Variants in KRCC1 observed in about 807,000 individuals in gnomAD.
KRCC1 encodes lysine-rich coiled-coil protein 1.
In KRCC1, 3 loss-of-function variants were observed where a neutral mutation model predicts 7.4. The observed-to-expected ratio is 0.40, with a 90% confidence interval of 0.18 to 1.04. The LOEUF (loss-of-function observed/expected upper bound fraction) is 1.04, where lower values mean the gene tolerates loss of function less well. Ranked by LOEUF, KRCC1 falls within the 50% of genes least tolerant of loss-of-function variation. The pLI, the probability that KRCC1 is intolerant of heterozygous loss-of-function variation, is 0.33. For missense variants in KRCC1, 277 were observed against 300.9 expected, an observed-to-expected ratio of 0.92 and a Z score of 0.59; for synonymous variants, 102 against 101.6, an observed-to-expected ratio of 1.00 and a Z score of -0.02.
intron 2 of KRCC1, among the ~76,000 whole-genome samples, chr2:88,034,709 ATAG>A (rs1371629952): frequency 6.6e-6 from 1 of 152,194 alleles, no homozygotes; most frequent in Non-Finnish European, 1.5e-5. Flanking sequence ...TACATGAACT[ATAG>A]TCACCTTCTT....
At chr2:88,053,035 CT>C (rs1209505428) in intron 1 of KRCC1, among the ~76,000 whole-genome samples, 3 of 151,794 alleles carry the variant, frequency 2.0e-5, no homozygotes, top group African/African-American at 7.3e-5. Flanking sequence ...AGGATTCTGT[CT>C]CTTGGAATTA....
Position 88,028,011 on chromosome 2 carries a change from C to T in KRCC1, c.553G>A (p.Glu185Lys), listed in dbSNP as rs61734751. 3.0e-4 allele frequency: 483 copies of T among 1,613,948 alleles called. 4 individuals are homozygous for T. The African/African-American group carries it at 5.8e-3, about 19-fold the overall frequency. ...TTGTGTTTGTCTAAGTCAATTTCCTCGCAGCTTTTTTTTCTCTTATGCTTA... is the reference window on the plus strand; with the variant it reads ...TTGTGTTTGTCTAAGTCAATTTCCTTGCAGCTTTTTTTTCTCTTATGCTTA... ...RSKHKRKKSC[E>K]EIDLDKHKSI... The change falls in exon 4 of 4, where the codon GAG becomes AAG. Residue 185 changes from glutamate to lysine, a missense_variant. Coordinates refer to ENST00000347055, the MANE Select transcript of KRCC1 (RefSeq NM_016618.3).
chr2:88,030,281 A>G (rs1672969590), intron 3 of KRCC1, among the ~76,000 whole-genome samples: 1 of 149,888 alleles, frequency 6.7e-6, no homozygotes, highest in Admixed American at 6.6e-5. Context: ...GTTCAGTTCA[A>G]CATGGGATAT....
At chr2:88,046,324 C>T (rs899793520) in intron 1 of KRCC1, among the ~76,000 whole-genome samples, 14 of 152,196 alleles carry the variant, frequency 9.2e-5, no homozygotes, top group East Asian at 1.9e-4. Context: ...AAAATAGAGA[C>T]ATAACATATA....
chr2:88,049,724 C>A (rs1327896098), intron 1 of KRCC1, among the ~76,000 whole-genome samples: 3 of 152,206 alleles, frequency 2.0e-5, no homozygotes, highest in African/African-American at 7.2e-5. Flanking sequence ...GTAGTAGGGG[C>A]AATTCTTAGT....
At position 88,032,143 on chromosome 2, in the gene KRCC1, AAATT is replaced by A. The variant is rs577575603; in HGVS notation, c.-23+1987_-23+1990del. On this transcript the variant is annotated intron_variant, in intron 3 of 3. Coordinates refer to ENST00000347055, the MANE Select transcript of KRCC1 (RefSeq NM_016618.3). ...GGTGACAGAGTGATACTCTGTCTCA[AAATT>A]AATTAATTAATTAATTAATTTAATG... 4.9e-4 allele frequency among the ~76,000 whole-genome samples: 74 copies of A among 152,118 alleles called. No individual in the cohort carries two copies. The East Asian group carries it at 7.9e-3, about 16-fold the overall frequency.
At chr2:88,045,498 A>G (rs1401360883) in intron 1 of KRCC1, among the ~76,000 whole-genome samples, 7 of 152,206 alleles carry the variant, frequency 4.6e-5, no homozygotes, top group Non-Finnish European at 7.3e-5. Context: ...TCTATTTATA[A>G]AAAGTTCTAG....
chr2:88,039,794 A>G (rs1673167577), intron 1 of KRCC1, among the ~76,000 whole-genome samples: 1 of 152,144 alleles, frequency 6.6e-6, no homozygotes, highest in South Asian at 2.1e-4. Context: ...AAAGGTTAAT[A>G]CAAAGGTTTT....
intron 1 of KRCC1, among the ~76,000 whole-genome samples, chr2:88,041,809 G>C (rs1440595437): frequency 6.6e-6 from 1 of 152,196 alleles, no homozygotes; most frequent in African/African-American, 2.4e-5. Context: ...GTGGAGTAAA[G>C]TGAAATTATC....
chr2:88,048,621 T>C (rs779781776), intron 1 of KRCC1, among the ~76,000 whole-genome samples: 1 of 152,226 alleles, frequency 6.6e-6, no homozygotes, highest in African/African-American at 2.4e-5. Flanking sequence ...TAGATGATCA[T>C]ATACTCTGCA....
At chr2:88,041,040 A>C (rs1331767442) in intron 1 of KRCC1, among the ~76,000 whole-genome samples, 1 of 152,230 alleles carries the variant, frequency 6.6e-6, no homozygotes, top group Non-Finnish European at 1.5e-5. Context: ...TTATTTGGAC[A>C]TTTGGATTTA....
chr2:88,055,458 C>T (rs1318855172), intron 1 of KRCC1, among the ~76,000 whole-genome samples, 168 bp downstream of exon 1: 1 of 151,908 alleles, frequency 6.6e-6, no homozygotes, highest in African/African-American at 2.4e-5. Flanking sequence ...CGTCTCTTTC[C>T]GGGGGCGGCG....
intron 1 of KRCC1, among the ~76,000 whole-genome samples, chr2:88,039,587 C>T (rs1673162649): frequency 1.3e-5 from 2 of 152,112 alleles, no homozygotes; most frequent in Non-Finnish European, 2.9e-5. Flanking sequence ...ATTCAGGAGG[C>T]TGAAGTACGA....
chr2:88,031,132 A>G (rs10207035), intron 3 of KRCC1, among the ~76,000 whole-genome samples: 137,596 of 152,096 alleles, frequency 0.9, 62,615 homozygotes, highest in East Asian at 1. Context: ...CAGCCTCAGG[A>G]AGGTCCTTCA....
chr2:88,039,052 C>A (rs1355836196), intron 1 of KRCC1, among the ~76,000 whole-genome samples: 1 of 152,072 alleles, frequency 6.6e-6, no homozygotes, highest in Non-Finnish European at 1.5e-5. Context: ...TTTGATTTGA[C>A]AGTCTGATCT....
At chr2:88,039,641 T>C (rs148962053) in intron 1 of KRCC1, among the ~76,000 whole-genome samples, 9,225 of 152,172 alleles carry the variant, frequency 0.061, 326 homozygotes, top group Middle Eastern at 0.11. Context: ...TGAGCCAAGA[T>C]TGCGCCACTG....
Position 88,028,054 on chromosome 2 carries a change from T to A in KRCC1, c.510A>T (p.Lys170Asn), listed in dbSNP as rs761258310. ...TATGCTTAGACCGCTCCTCCTCTGA[T>A]TTTTCTCTGCCTTCCTCTGGGTGCC... The part of the protein sequence containing the change: ...RKRHPEEGRE[K>N]SEEERSKHKR... Residue 170 changes from lysine to asparagine, a missense_variant, in exon 4 of 4, where the codon AAA (lysine) becomes AAT (asparagine). By Grantham distance (94) the Lys-to-Asn change is moderately conservative (BLOSUM62 0). Coordinates refer to ENST00000347055, the MANE Select transcript of KRCC1 (RefSeq NM_016618.3). 4 of 1,614,092 alleles carry A rather than the reference T, an allele frequency of 2.5e-6. No homozygotes were observed. The African/African-American group carries it at 4.0e-5, about 16-fold the overall frequency.
chr2:88,047,242 A>ATTATTTAT (rs537228686), intron 1 of KRCC1, among the ~76,000 whole-genome samples: 4 of 152,086 alleles, frequency 2.6e-5, no homozygotes, highest in Non-Finnish European at 4.4e-5. Context: ...TTGACGCTGA[A>ATTATTTAT]TTATTTATTT....
At chr2:88,039,045 G>C (rs1186561102) in intron 1 of KRCC1, among the ~76,000 whole-genome samples, 6 of 149,818 alleles carry the variant, frequency 4.0e-5, no homozygotes, top group African/African-American at 1.5e-4. Context: ...TGATGCGTTT[G>C]ATTTGACAGT....
Sources: allele counts gnomAD v4.1 joint callset (sites outside exome capture counted in the v4.1 genomes callset), GRCh38; gene constraint gnomAD v4.1.1; transcripts MANE v1.5; gene names NCBI Gene and HGNC (gene_info 2026-07-23, HGNC 2026-07-21).